MARCHF10: variants seen among roughly 807,000 people sequenced by gnomAD.
The protein encoded by MARCHF10 is membrane associated ring-CH-type finger 10.
MARCHF10 carries 64 observed loss-of-function variants against 76.2 expected under a neutral mutation model. The ratio of observed to expected loss-of-function variants is 0.84; its 90% CI spans 0.69 to 1.03. The LOEUF (loss-of-function observed/expected upper bound fraction) is 1.03. Ranked by LOEUF, MARCHF10 falls within the 50% of genes least tolerant of loss-of-function variation. MARCHF10 has a pLI of 0.00. For synonymous variants in MARCHF10, 340 were observed against 357.5 expected (o/e 0.95, Z 0.55); for missense variants, 875 against 958.0 (o/e 0.91, Z 1.14).
chr17:62,772,634 A>G (rs2092469347), intron 3 of MARCHF10, among the ~76,000 whole-genome samples: 1 of 152,154 alleles, frequency 6.6e-6, no homozygotes, highest in South Asian at 2.1e-4. Flanking sequence ...GGCAGTTGAC[A>G]TCTTGACTTT....
intron 2 of MARCHF10, among the ~76,000 whole-genome samples, chr17:62,792,075 T>C (rs1268037771): frequency 6.6e-6 from 1 of 152,080 alleles, no homozygotes; most frequent in Non-Finnish European, 1.5e-5. Flanking sequence ...TTTTATTTCT[T>C]CCTTCTGGGA....
chr17:62,774,463 G>A (rs2092509486), intron 3 of MARCHF10, among the ~76,000 whole-genome samples: 2 of 152,184 alleles, frequency 1.3e-5, no homozygotes, highest in Non-Finnish European at 2.9e-5. Flanking sequence ...ACAAGCCTCG[G>A]TGGACAGTGT....
chr17:62,722,661 A>G, intron 7 of MARCHF10, 64 bp from the exon 8 acceptor site: 1 of 1,383,396 alleles, frequency 7.2e-7, no homozygotes, highest in Non-Finnish European at 1.0e-6. Flanking sequence ...AGCACTTTGG[A>G]CAGGTGATAT....
At chr17:62,767,033 G>A (rs546617236) in intron 3 of MARCHF10, among the ~76,000 whole-genome samples, 4 of 152,232 alleles carry the variant, frequency 2.6e-5, no homozygotes, top group African/African-American at 7.2e-5. Flanking sequence ...CACATGAGCC[G>A]CAGGATGGAT....
chr17:62,732,118 C>T (rs1223642167), intron 6 of MARCHF10, among the ~76,000 whole-genome samples: 2 of 152,086 alleles, frequency 1.3e-5, no homozygotes, highest in Admixed American at 1.3e-4. Flanking sequence ...CAAAACTATA[C>T]TGAAAGACAT....
intron 9 of MARCHF10, 143 bp from the exon 10 acceptor site, chr17:62,705,724 G>T (rs2089545942): frequency 2.0e-6 from 2 of 991,624 alleles, no homozygotes; most frequent in Non-Finnish European, 3.0e-6. Context: ...GGTGCTGAGG[G>T]CTGGGTGAGT....
At chr17:62,745,768 TAC>T (rs1169554977) in intron 4 of MARCHF10, among the ~76,000 whole-genome samples, 1 of 152,186 alleles carries the variant, frequency 6.6e-6, no homozygotes, top group African/African-American at 2.4e-5. Context: ...TGCTAATTGA[TAC>T]AGTTTTGAGT....
intron 3 of MARCHF10, among the ~76,000 whole-genome samples, chr17:62,776,662 C>A (rs2148043140): frequency 6.6e-6 from 1 of 152,290 alleles, no homozygotes; most frequent in East Asian, 1.9e-4. Context: ...TACTCTATAA[C>A]CTGATCATAA....
At chr17:62,793,303 C>G (rs2092909318) in intron 2 of MARCHF10, among the ~76,000 whole-genome samples, 1 of 146,214 alleles carries the variant, frequency 6.8e-6, no homozygotes, top group Admixed American at 6.8e-5. Context: ...ACCACCACCT[C>G]CATCACCACC....
chr17:62,723,866 C>G (rs747482841), intron 7 of MARCHF10, among the ~76,000 whole-genome samples: 3 of 152,096 alleles, frequency 2.0e-5, no homozygotes, highest in Non-Finnish European at 4.4e-5. Flanking sequence ...GCATCTTGAT[C>G]AGTGGACTTA....
intron 3 of MARCHF10, among the ~76,000 whole-genome samples, chr17:62,766,175 G>A (rs4968632): frequency 0.5 from 75,348 of 151,530 alleles, 20,250 homozygotes; most frequent in East Asian, 0.71. Flanking sequence ...CAGCCTGGGG[G>A]ACAGAGCAAG....
intron 1 of MARCHF10, among the ~76,000 whole-genome samples, chr17:62,805,914 AAAAT>A (rs1202522889): frequency 6.2e-5 from 8 of 128,128 alleles, no homozygotes; most frequent in South Asian, 2.3e-4. Context: ...AAAATAAAAA[AAAAT>A]AATAATAATA....
chr17:62,709,448 C>T (rs1363456001), intron 9 of MARCHF10, among the ~76,000 whole-genome samples: 1 of 152,044 alleles, frequency 6.6e-6, no homozygotes, highest in Admixed American at 6.5e-5. Flanking sequence ...GCACTCCAGC[C>T]TGGGTGACAG....
At chr17:62,735,312 A>G (rs1318885428) in intron 6 of MARCHF10, 1 of 152,334 alleles carries the variant, frequency 6.6e-6, no homozygotes, top group Non-Finnish European at 1.5e-5. Context: ...ACTATCCCCA[A>G]ATCATCTCAC....
intron 3 of MARCHF10, among the ~76,000 whole-genome samples, chr17:62,773,745 T>G (rs1597984246): frequency 6.6e-6 from 1 of 151,440 alleles, no homozygotes; most frequent in African/African-American, 2.4e-5. Context: ...TGGCGTGAGG[T>G]GGAAGAGAGG....
Position 62,755,943 on chromosome 17 carries a change from G to A in MARCHF10, c.382+3892C>T, listed in dbSNP as rs117271400. 4.5e-3 allele frequency among the ~76,000 whole-genome samples: 684 copies of A among 151,106 alleles called. 4 individuals carry two copies. The highest frequency in any genetic ancestry group is 0.014 in the South Asian group (66 of 4,776). ...AGCCTGGGCAACAAAGCAAGACCTC[G>A]TCTCCATAAAAAGTAAAAAAAATGG... On this transcript the variant is annotated intron_variant, in intron 4 of 10. Transcript: ENST00000311269.
intron 3 of MARCHF10, among the ~76,000 whole-genome samples, chr17:62,760,841 G>T (rs887758337): frequency 3.9e-5 from 6 of 152,230 alleles, no homozygotes; most frequent in African/African-American, 1.4e-4. Context: ...ACCCTGGGGG[G>T]TCGTTGCGGT....
At position 62,712,013 on chromosome 17, in the gene MARCHF10, G is replaced by C. The variant is rs950586941; in HGVS notation, c.2215-669C>G. On this transcript the variant is annotated intron_variant, in intron 8 of 10. Coordinates refer to ENST00000311269, the MANE Select transcript of MARCHF10 (RefSeq NM_152598.4). This position sits in a 1 kb window ranked among gnomAD's most constrained non-coding sequence, Gnocchi z 4.2. ...AGGCGCTACACAGGGAGGATGTGAT[G>C]GTCTGGCTGCCCATGGCACTTCTCT... Among the ~76,000 whole-genome samples the C allele has an allele frequency of 3.3e-5, 5 of 152,230 alleles. No individual in the cohort carries two copies. The highest frequency in any genetic ancestry group is 1.2e-4 in the African/African-American group (5 of 41,464).
At position 62,711,273 on chromosome 17, in the gene MARCHF10, T is replaced by C. The variant is rs1351338515; in HGVS notation, c.2286A>G (p.Ala762=). Residue 762 remains alanine (A), a synonymous_variant, in exon 9 of 11, where the codon GCA becomes GCG. Coordinates refer to ENST00000311269, the MANE Select transcript of MARCHF10 (RefSeq NM_152598.4). This position sits in a 1 kb window ranked among gnomAD's most constrained non-coding sequence, Gnocchi z 4.4. ...GGTTGTGGTTGAGCCTCATGAGTTC[T>C]GCAAACCTCTGCTCATAGAGGTGAA... The part of the protein sequence containing the change: ...LLLHLYEQRF[A]ELMRLNHNQV... The C allele has an allele frequency of 2.7e-5, 43 of 1,613,978 alleles. No homozygotes were observed. The highest frequency in any genetic ancestry group is 3.6e-5 in the Non-Finnish European group (43 of 1,179,962).
Sources: allele counts gnomAD v4.1 joint callset (sites outside exome capture counted in the v4.1 genomes callset), GRCh38; gene constraint gnomAD v4.1.1; non-coding constraint Gnocchi (gnomAD v3.1); transcripts MANE v1.5; gene names NCBI Gene and HGNC (gene_info 2026-07-23, HGNC 2026-07-21).